The following ZSCAN5B variants were observed in gnomAD, a reference collection of about 807,000 sequenced individuals.
ZSCAN5B encodes zinc finger and SCAN domain-containing protein 5B.
In ZSCAN5B, 26 loss-of-function variants were observed where a neutral mutation model predicts 25.2. The observed-to-expected ratio is 1.03, with a 90% CI of 0.76 to 1.43. ZSCAN5B has a LOEUF of 1.43. Ranked by LOEUF, ZSCAN5B falls within the 40% of genes most tolerant of loss-of-function variation. The pLI is 0.00. For synonymous variants in ZSCAN5B, 244 were observed against 240.9 expected (o/e 1.01, Z -0.12); for missense variants, 745 against 622.1 (o/e 1.20, Z -2.10).
chr19:56,192,554 C>T, intron 2 of ZSCAN5B, 115 bp downstream of exon 2: 3 of 1,498,810 alleles, frequency 2.0e-6, no homozygotes, highest in East Asian at 2.3e-5. Context: ...TCTGCCTGTC[C>T]ATCTCCTAGG....
Position 56,191,990 on chromosome 19 carries a change from C to T in ZSCAN5B, c.448G>A (p.Ala150Thr), listed in dbSNP as rs758586182. Residue 150 changes from alanine to threonine, a missense_variant, in exon 3 of 5, where the codon GCC becomes ACC. Ala to Thr is a moderately conservative substitution (Grantham distance 58, BLOSUM62 0). Coordinates refer to ENST00000586855, the Ensembl canonical transcript of ZSCAN5B. ...GGATCATCTCTGACACTGGCGGGGGCTTCAGCCATCTCGACATCTGAGTTC... is the reference window on the plus strand; with the variant it reads ...GGATCATCTCTGACACTGGCGGGGGTTTCAGCCATCTCGACATCTGAGTTC... 12 of 1,611,562 alleles carry T rather than the reference C, an allele frequency of 7.4e-6. 1 individual carries two copies. Among genetic ancestry groups the T allele is most frequent in the Admixed American group, 3.3e-5 (2 of 59,932 alleles).
chr19:56,197,875 G>C, exon 1 of ZSCAN5B: 1 of 984,970 alleles, frequency 1.0e-6, no homozygotes, highest in Non-Finnish European at 1.2e-6. Context: ...GATTGGTTTA[G>C]GGCCACAGAG....
intron 1 of ZSCAN5B, among the ~76,000 whole-genome samples, chr19:56,197,424 G>T (rs1365566426): frequency 6.6e-6 from 1 of 152,112 alleles, no homozygotes; most frequent in Admixed American, 6.5e-5. Context: ...TTTTGTTAGA[G>T]TCGGGGTTTC....
Position 56,195,346 on chromosome 19 carries a change from A to G in ZSCAN5B, c.-127-2167T>C, listed in dbSNP as rs552704463. Among the ~76,000 whole-genome samples, 508 of 152,306 alleles carry G rather than the reference A, an allele frequency of 3.3e-3. 3 individuals are homozygous for G. Among genetic ancestry groups the G allele is most frequent in the Middle Eastern group, 0.024 (7 of 294 alleles). On this transcript the variant is annotated intron_variant, in intron 1 of 4. Coordinates refer to ENST00000586855, the Ensembl canonical transcript of ZSCAN5B. ...CTTAAGGCGCCTGTGTGGACATCTC[A>G]GATGAAGACATGTGAATGGCCAGCA...
exon 2 of ZSCAN5B, chr19:56,193,012 G>C: frequency 6.3e-7 from 1 of 1,596,316 alleles, no homozygotes; most frequent in Non-Finnish European, 8.6e-7. Flanking sequence ...GCTGTTGCAG[G>C]GTCCTCCCTG....
chr19:56,190,189 ACCT>A (rs772594139), exon 5 of ZSCAN5B: 1 of 1,613,732 alleles, frequency 6.2e-7, no homozygotes, highest in Non-Finnish European at 8.5e-7. Context: ...CCTGTGTGTG[ACCT>A]CCTGTGGATG....
chr19:56,191,404 C>A (rs570030595), intron 3 of ZSCAN5B, among the ~76,000 whole-genome samples: 47 of 152,188 alleles, frequency 3.1e-4, no homozygotes, highest in African/African-American at 6.7e-4. Flanking sequence ...CCTGAGAATG[C>A]CAAACAAAAA....
At chr19:56,190,708 G>T in intron 4 of ZSCAN5B, 129 bp downstream of exon 4, 1 of 1,540,552 alleles carries the variant, frequency 6.5e-7, no homozygotes. Flanking sequence ...TGGACTGTAG[G>T]TCTCTGGAAA....
In ZSCAN5B at chr19:56,190,536, C is replaced by A. The variant is rs1388499021; in HGVS notation, c.779G>T (p.Arg260Ile). 13 of 1,613,370 alleles carry A rather than the reference C, an allele frequency of 8.1e-6. No homozygotes were observed. Among genetic ancestry groups the A allele is most frequent in the Middle Eastern group, 1.6e-4 (1 of 6,078 alleles). ...AGCATCCACATTTTCCACAGAGGCT[C>A]TTTTCTGGGGTTCCTTCCCCTCCTT... Residue 260 changes from arginine (R) to isoleucine (I), a missense_variant, in exon 5 of 5, where the codon AGA (arginine) becomes ATA (isoleucine). Coordinates refer to ENST00000586855, the Ensembl canonical transcript of ZSCAN5B.
intron 1 of ZSCAN5B, among the ~76,000 whole-genome samples, chr19:56,196,519 G>A (rs185354003): frequency 1.3e-5 from 2 of 152,304 alleles, no homozygotes; most frequent in Admixed American, 1.3e-4. Context: ...GCCTATGGCA[G>A]TTTGCTCGAT....
At position 56,190,401 on chromosome 19, in the gene ZSCAN5B, G is replaced by C. The variant is rs1267488399; in HGVS notation, c.914C>G (p.Ser305Cys). The change falls in exon 5 of 5, where the codon TCC becomes TGC. Residue 305 changes from serine (S) to cysteine (C), a missense_variant. Physicochemically the swap from Ser to Cys is moderately radical, Grantham distance 112. Coordinates refer to ENST00000586855, the Ensembl canonical transcript of ZSCAN5B. ...TCCTTGAGGCTCTTCTTGGGAAATG[G>C]AGGAGGCATCTGGTTTGCTTCTTTT... 9.3e-6 allele frequency: 15 copies of C among 1,613,886 alleles called. No homozygotes were observed. The highest frequency in any genetic ancestry group is 1.1e-5 in the Non-Finnish European group (13 of 1,180,034).
At chr19:56,192,911 T>C (rs748598330) in exon 2 of ZSCAN5B, 18 of 1,614,022 alleles carry the variant, frequency 1.1e-5, no homozygotes, top group Non-Finnish European at 1.4e-5. Context: ...CTGAACATCC[T>C]GAAATTCATG....
chr19:56,193,217 T>C, intron 1 of ZSCAN5B, 38 bp from the exon 2 acceptor site: 1 of 805,622 alleles, frequency 1.2e-6, no homozygotes, highest in Non-Finnish European at 1.9e-6. Context: ...ATTTTAACTT[T>C]CTACTCCACA....
At chr19:56,191,894 C>T (rs2032739441) in exon 3 of ZSCAN5B, 1 of 1,613,960 alleles carries the variant, frequency 6.2e-7, no homozygotes, top group African/African-American at 1.3e-5. Flanking sequence ...ATCTGCTGCT[C>T]TCGGCGGGCC....
rs577337778 is a variant in ZSCAN5B at position 56,190,302 on chromosome 19, G to A, written c.1013C>T (p.Ala338Val). The A allele has an allele frequency of 4.3e-5, 70 of 1,614,164 alleles. No homozygotes were observed. In the South Asian group the frequency reaches 4.9e-4, roughly 11 times the overall value. Residue 338 changes from alanine (A) to valine (V), a missense_variant, in exon 5 of 5, where the codon GCG becomes GTG. Transcript: ENST00000586855. ...GCCATCTGGGTGACTGACCGGGCCC[G>A]CAGGGCCTGGGGAATGAACTGGATT...
rs745329452 is a variant in ZSCAN5B, at chr19:56,190,842, C to G, written c.734G>C (p.Ser245Thr). 14 of 1,613,912 alleles carry G rather than the reference C, an allele frequency of 8.7e-6. No homozygotes were observed. Among genetic ancestry groups the G allele is most frequent in the Middle Eastern group, 3.3e-4 (2 of 6,058 alleles). ...ATCCAAGTCTTCATACTCACTGGGA[C>G]TCTTTGGAAGCTGAGGCTCTGGGGA... The change falls in exon 4 of 5, where the codon AGT becomes ACT. Residue 245 changes from serine (S) to threonine (T), a missense_variant. Transcript: ENST00000586855.
intron 3 of ZSCAN5B, 106 bp from the exon 4 acceptor site, chr19:56,191,093 C>A: frequency 1.4e-6 from 2 of 1,471,896 alleles, no homozygotes; most frequent in Non-Finnish European, 1.9e-6. Flanking sequence ...CATGGACCAC[C>A]CCATCACCCC....
chr19:56,195,177 G>C (rs1021877592), intron 1 of ZSCAN5B, among the ~76,000 whole-genome samples: 2 of 152,144 alleles, frequency 1.3e-5, no homozygotes, highest in African/African-American at 4.8e-5. Context: ...CAGAGAGACA[G>C]CCAGGGAGAC....
At chr19:56,189,703 T>C (rs2032695696) in exon 5 of ZSCAN5B, 1 of 1,192,682 alleles carries the variant, frequency 8.4e-7, no homozygotes, top group Non-Finnish European at 1.2e-6. Flanking sequence ...GGAGGATAAA[T>C]ATTTATTCAA....
Sources: allele counts gnomAD v4.1 joint callset (sites outside exome capture counted in the v4.1 genomes callset), GRCh38; gene constraint gnomAD v4.1.1; transcripts MANE v1.5; gene names NCBI Gene and HGNC (gene_info 2026-07-23, HGNC 2026-07-21).